Variants in EXOC2 observed in about 807,000 individuals in gnomAD.
EXOC2 encodes the protein exocyst complex component 2.
In EXOC2, 70 loss-of-function variants were observed where a neutral mutation model predicts 131.8. The ratio of observed to expected loss-of-function variants is 0.53; its 90% CI spans 0.44 to 0.65. EXOC2 has a LOEUF of 0.65. Ranked by LOEUF, EXOC2 falls within the 30% of genes least tolerant of loss-of-function variation. The probability of loss-of-function intolerance (pLI) is 0.00; values close to 1 mark genes in which losing one functional copy is unlikely to be tolerated. For missense variants in EXOC2, 923 were observed against 1,108.6 expected (o/e 0.83, Z 2.38); for synonymous variants, 411 against 398.4 (o/e 1.03, Z -0.38).
chr6:638,183 A>G (rs1350001420), intron 1 of EXOC2, among the ~76,000 whole-genome samples: 1 of 152,190 alleles, frequency 6.6e-6, no homozygotes, highest in Non-Finnish European at 1.5e-5. Context: ...CTAAATTGAT[A>G]CTAGGAACTG....
intron 4 of EXOC2, among the ~76,000 whole-genome samples, chr6:620,225 G>A (rs1231734617): frequency 6.6e-6 from 1 of 152,080 alleles, no homozygotes; most frequent in Non-Finnish European, 1.5e-5. Context: ...TTCCATGCTG[G>A]GATGCCAGAT....
intron 22 of EXOC2, among the ~76,000 whole-genome samples, chr6:547,821 A>G (rs1756944349): frequency 6.6e-6 from 1 of 152,212 alleles, no homozygotes; most frequent in African/African-American, 2.4e-5. Context: ...CTTGGTCTCA[A>G]AATGATCTGG....
chr6:591,850 T>C (rs1044757931), intron 11 of EXOC2, among the ~76,000 whole-genome samples: 1 of 152,126 alleles, frequency 6.6e-6, no homozygotes, highest in South Asian at 2.1e-4. Flanking sequence ...CTCCCCCAGC[T>C]TCCCTCAGGG....
Position 486,684 on chromosome 6 carries a change from A to G in EXOC2, c.2762T>C (p.Met921Thr), listed in dbSNP as rs2127460566. 4 of 1,614,070 alleles carry G rather than the reference A, an allele frequency of 2.5e-6. No individual in the cohort carries two copies. The highest frequency in any genetic ancestry group is 3.4e-6 in the Non-Finnish European group (4 of 1,179,948). ...LTCFQAASST[M>T]MKT ...TGTGGCAGATATTTATGTTTTCATCATGGTTGAAGAAGCTGCTTGGAAACA... is the reference window on the plus strand; with the variant it reads ...TGTGGCAGATATTTATGTTTTCATCGTGGTTGAAGAAGCTGCTTGGAAACA... Residue 921 changes from methionine (M) to threonine (T), a missense_variant, in exon 28 of 28, where the codon ATG (methionine) becomes ACG (threonine). Met to Thr is a moderately conservative substitution (Grantham distance 81). Transcript: ENST00000230449.
intron 1 of EXOC2, among the ~76,000 whole-genome samples, chr6:646,920 T>C (rs1489782207): frequency 1.3e-5 from 2 of 152,210 alleles, no homozygotes; most frequent in Non-Finnish European, 2.9e-5. Flanking sequence ...CAACACAAAG[T>C]TCTTCAACAA....
At chr6:560,906 C>T (rs1236588794) in intron 17 of EXOC2, among the ~76,000 whole-genome samples, 2 of 151,892 alleles carry the variant, frequency 1.3e-5, no homozygotes. Context: ...CAGGGTTTCA[C>T]CATGTTGGTC....
Position 619,434 on chromosome 6 carries a change from T to C in EXOC2, c.532A>G (p.Thr178Ala), listed in dbSNP as rs1278288273. ...GACAGTCCCATATCCACTAACCTGGTGTTTGAGTGATTCTCTATAAGATAC... is the reference window on the plus strand; with the variant it reads ...GACAGTCCCATATCCACTAACCTGGCGTTTGAGTGATTCTCTATAAGATAC... ...AWYLIENHSN[T>A]SFEQLKMAVT... Residue 178 changes from threonine (T) to alanine (A), a missense_variant, in exon 5 of 28, where the codon ACC becomes GCC. Thr to Ala is a moderately conservative substitution (Grantham distance 58). Transcript: ENST00000230449. 6.2e-7 allele frequency: 1 copy of C among 1,611,796 alleles called. No individual in the cohort carries two copies. The highest frequency in any genetic ancestry group is 1.3e-5 in the African/African-American group (1 of 74,886).
At chr6:605,749 G>C (rs1259021113) in intron 7 of EXOC2, among the ~76,000 whole-genome samples, 2 of 152,088 alleles carry the variant, frequency 1.3e-5, no homozygotes, top group African/African-American at 4.8e-5. Flanking sequence ...GCTCGCTTTT[G>C]AATGTGTTTG....
chr6:641,647 G>A (rs1762358170), intron 1 of EXOC2, among the ~76,000 whole-genome samples: 1 of 152,142 alleles, frequency 6.6e-6, no homozygotes, highest in Admixed American at 6.5e-5. Context: ...TAAACCCAAT[G>A]AGACAACTCA....
At chr6:683,809 T>G (rs1393482303) in intron 1 of EXOC2, among the ~76,000 whole-genome samples, 1 of 152,162 alleles carries the variant, frequency 6.6e-6, no homozygotes, top group Non-Finnish European at 1.5e-5. Flanking sequence ...CTTGACATAG[T>G]GAAAGCAAAA....
At chr6:658,642 A>ATTT (rs1185162131) in intron 1 of EXOC2, among the ~76,000 whole-genome samples, 50 of 112,244 alleles carry the variant, frequency 4.5e-4, no homozygotes, top group African/African-American at 1.6e-3. Context: ...ATATATATAT[A>ATTT]TTTTATATAT....
intron 1 of EXOC2, among the ~76,000 whole-genome samples, 157 bp downstream of exon 1, chr6:692,862 G>T (rs1765014142): frequency 6.6e-6 from 1 of 152,178 alleles, no homozygotes. Context: ...GGAACCGCGG[G>T]GGGTCGCGGG....
At chr6:553,324 T>A (rs1757243512) in intron 21 of EXOC2, among the ~76,000 whole-genome samples, 1 of 152,146 alleles carries the variant, frequency 6.6e-6, no homozygotes, top group South Asian at 2.1e-4. Context: ...GTATACATTT[T>A]AAAAAGTGTG....
chr6:556,224 G>C (rs1391177585), intron 18 of EXOC2, among the ~76,000 whole-genome samples: 1 of 152,138 alleles, frequency 6.6e-6, no homozygotes, highest in Non-Finnish European at 1.5e-5. Flanking sequence ...CTGGGCTGAT[G>C]GTCAAGAGCC....
chr6:531,310 T>A lies in EXOC2; in HGVS notation c.2380+1159A>T, dbSNP rs7767477. The stretch of plus-strand genomic sequence containing the variant: ...TCATGAGAAGATGTTGTAAGAATTT[T>A]AAGTAAGATACTGATAGAACCTGCC... On this transcript the variant is annotated intron_variant, in intron 23 of 27. Coordinates refer to ENST00000230449, the MANE Select transcript of EXOC2 (RefSeq NM_018303.6). Among the ~76,000 whole-genome samples, 15 of 152,304 alleles carry A rather than the reference T, an allele frequency of 9.8e-5. 1 individual carries two copies. The highest frequency in any genetic ancestry group is 3.6e-4 in the African/African-American group (15 of 41,572).
At chr6:559,339 A>G (rs1248220885) in intron 17 of EXOC2, among the ~76,000 whole-genome samples, 2 of 152,228 alleles carry the variant, frequency 1.3e-5, no homozygotes, top group Non-Finnish European at 2.9e-5. Flanking sequence ...GGATTATCCC[A>G]TTAAGGGATA....
chr6:664,414 T>G (rs1316366655), intron 1 of EXOC2, among the ~76,000 whole-genome samples: 1 of 150,890 alleles, frequency 6.6e-6, no homozygotes, highest in Non-Finnish European at 1.5e-5. Flanking sequence ...CCACCATCAC[T>G]CTACACAAAA....
chr6:617,770 C>A lies in EXOC2; in HGVS notation c.602G>T (p.Ser201Ile). 1 of 1,613,728 alleles carries A rather than the reference C, an allele frequency of 6.2e-7. No individual in the cohort carries two copies. The highest frequency in any genetic ancestry group is 8.5e-7 in the Non-Finnish European group (1 of 1,179,806). Residue 201 changes from serine to isoleucine, a missense_variant, in exon 6 of 28, where the codon AGC (serine) becomes ATC (isoleucine). By Grantham distance (142) the Ser-to-Ile change is moderately radical (BLOSUM62 -2). Transcript: ENST00000230449. ...GAGACCGCCTTTCACATAGGCCAGG[C>A]TGCCCTCACTCTTCTTGTTAGCCTG... is the stretch of plus-strand genomic sequence containing the variant. ...KRQANKKSEGSLAYVKGGLST... is the reference protein window; with the variant it reads ...KRQANKKSEGILAYVKGGLST...
chr6:556,024 G>A lies in EXOC2; in HGVS notation c.1933-11C>T, dbSNP rs780593870. The A allele has an allele frequency of 1.2e-6, 2 of 1,611,600 alleles. No individual in the cohort carries two copies. The highest frequency in any genetic ancestry group is 1.7e-4 in the Middle Eastern group (1 of 6,052). On this transcript the variant is annotated splice_polypyrimidine_tract_variant and intron_variant, in intron 18 of 27. Coordinates refer to ENST00000230449, the MANE Select transcript of EXOC2 (RefSeq NM_018303.6). ...AGGTTGTTGGAAGACCTGTAAGGAA[G>A]AATTTTGATGAAAATTTTTGGACTT...
Sources: allele counts gnomAD v4.1 joint callset (sites outside exome capture counted in the v4.1 genomes callset), GRCh38; gene constraint gnomAD v4.1.1; transcripts MANE v1.5; gene names NCBI Gene and HGNC (gene_info 2026-07-23, HGNC 2026-07-21).